Variants in EXOC2 observed in about 807,000 individuals in gnomAD.
EXOC2 encodes the protein exocyst complex component 2.
A neutral mutation model predicts 131.8 loss-of-function variants in EXOC2; 70 were observed. The ratio of observed to expected loss-of-function variants is 0.53; its 90% confidence interval spans 0.44 to 0.65. The LOEUF is 0.65. Ranked by LOEUF, EXOC2 falls within the 30% of genes least tolerant of loss-of-function variation. EXOC2 has a pLI of 0.00. For missense variants in EXOC2, 923 were observed against 1,108.6 expected (o/e 0.83, Z 2.38); for synonymous variants, 411 against 398.4 (o/e 1.03, Z -0.38).
At chr6:613,443 A>AAAAG (rs986745325) in intron 6 of EXOC2, among the ~76,000 whole-genome samples, 4 of 151,650 alleles carry the variant, frequency 2.6e-5, no homozygotes, top group African/African-American at 9.8e-5. Flanking sequence ...TGATGTAAAA[A>AAAAG]AAAGAAAGAA....
rs1468337111 is a variant in EXOC2, at chr6:575,923, CAAG to C, written c.1318+831_1318+833del. On this transcript the variant is annotated intron_variant, in intron 12 of 27. Coordinates refer to ENST00000230449, the MANE Select transcript of EXOC2 (RefSeq NM_018303.6). ...AGCTGGGAGAGGAATGAGAATCGGA[CAAG>C]AAGAAGGAATACCAACAGTTATGGA... Among the ~76,000 whole-genome samples, 3 of 152,126 alleles carry C rather than the reference CAAG, an allele frequency of 2.0e-5. No homozygotes were observed. The East Asian group carries it at 5.8e-4, about 29-fold the overall frequency.
intron 23 of EXOC2, among the ~76,000 whole-genome samples, chr6:500,027 T>C (rs554208597): frequency 3.6e-4 from 55 of 152,200 alleles, no homozygotes; most frequent in African/African-American, 1.2e-3. Flanking sequence ...AGAATATATA[T>C]AGATAAGTAT....
At chr6:650,020 T>C (rs1010295097) in intron 1 of EXOC2, among the ~76,000 whole-genome samples, 6 of 152,212 alleles carry the variant, frequency 3.9e-5, no homozygotes, top group Non-Finnish European at 5.9e-5. Flanking sequence ...GGCAAATAAA[T>C]TCCTTCCTGC....
chr6:690,131 C>G (rs9504778), intron 1 of EXOC2, among the ~76,000 whole-genome samples: 22,122 of 152,084 alleles, frequency 0.15, 1,790 homozygotes, highest in African/African-American at 0.21. Flanking sequence ...GAGGCCAGCG[C>G]ATCACTTGCA....
At position 615,551 on chromosome 6, in the gene EXOC2, A is replaced by C. The variant is rs530208500; in HGVS notation, c.661+2160T>G. ...ACAAATCAATAGCATGAAAAACCAG[A>C]AACAGGCTGGGCGTGGAAATTAGCT... On this transcript the variant is annotated intron_variant, in intron 6 of 27. Transcript: ENST00000230449. 5.3e-5 allele frequency among the ~76,000 whole-genome samples: 8 copies of C among 152,200 alleles called. No homozygotes were observed. In the South Asian group the frequency reaches 1.7e-3, roughly 32 times the overall value.
chr6:675,420 A>G (rs182968158), intron 1 of EXOC2, among the ~76,000 whole-genome samples: 1 of 152,376 alleles, frequency 6.6e-6, no homozygotes, highest in African/African-American at 2.4e-5. Context: ...GGTCAGTGAT[A>G]GTGCGCAGAC....
chr6:676,347 ACT>A (rs368378810), intron 1 of EXOC2, among the ~76,000 whole-genome samples: 30 of 14,968 alleles, frequency 2.0e-3, no homozygotes, highest in South Asian at 2.8e-3. Context: ...TCCTCTGGTG[ACT>A]CTGCGGTTCC....
At chr6:676,939 C>T (rs1418863364) in intron 1 of EXOC2, among the ~76,000 whole-genome samples, 304 of 75,130 alleles carry the variant, frequency 4.0e-3, no homozygotes, top group Middle Eastern at 0.019. Context: ...AGGACAGGTT[C>T]CTCTGAAGAC....
chr6:512,736 T>C (rs1242431215), intron 23 of EXOC2, among the ~76,000 whole-genome samples: 2 of 152,184 alleles, frequency 1.3e-5, no homozygotes, highest in Admixed American at 6.5e-5. Context: ...AAAGTTAGAA[T>C]TGGAGATGAA....
At chr6:533,706 G>T (rs535717903) in intron 22 of EXOC2, among the ~76,000 whole-genome samples, 3 of 152,094 alleles carry the variant, frequency 2.0e-5, no homozygotes, top group African/African-American at 7.2e-5. Context: ...AAGAAGAAGA[G>T]GGGGGAGGCA....
At chr6:539,763 T>C (rs1396021640) in intron 22 of EXOC2, among the ~76,000 whole-genome samples, 1 of 152,216 alleles carries the variant, frequency 6.6e-6, no homozygotes, top group Non-Finnish European at 1.5e-5. Flanking sequence ...AATTTGGCCA[T>C]CTGTATAGAA....
intron 21 of EXOC2, 31 bp from the exon 22 acceptor site, chr6:549,322 C>A: frequency 6.6e-7 from 1 of 1,514,308 alleles, no homozygotes; most frequent in African/African-American, 1.4e-5. Context: ...TAGAAAATCA[C>A]CTTTATGGTG....
chr6:648,183 T>C (rs1762666983), intron 1 of EXOC2, among the ~76,000 whole-genome samples: 1 of 152,246 alleles, frequency 6.6e-6, no homozygotes, highest in African/African-American at 2.4e-5. Flanking sequence ...CAGTAATTTG[T>C]GAATGAACTA....
Position 532,478 on chromosome 6 carries a change from G to T in EXOC2, c.2371C>A (p.Pro791Thr). 1.9e-6 allele frequency: 3 copies of T among 1,590,828 alleles called. No homozygotes were observed. Among genetic ancestry groups the T allele is most frequent in the Non-Finnish European group, 2.6e-6 (3 of 1,172,228 alleles). ...AGYFDWKDCL[P>T]PTGVRNYLKE... The stretch of plus-strand genomic sequence containing the variant: ...AAACTTTATTACTTACCTGTTGGAG[G>T]CAGGCAGTCCTTCCAATCAAAATAT... The change falls in exon 23 of 28, where the codon CCT becomes ACT. Residue 791 changes from proline to threonine, a missense_variant. Pro to Thr is a conservative substitution (Grantham distance 38). Transcript: ENST00000230449.
chr6:494,901 A>G (rs1476709824), intron 25 of EXOC2, among the ~76,000 whole-genome samples: 1 of 152,114 alleles, frequency 6.6e-6, no homozygotes, highest in Non-Finnish European at 1.5e-5. Flanking sequence ...TTTTTTTGAG[A>G]AAGGGTGTCA....
At position 485,714 on chromosome 6, in the gene EXOC2, G is replaced by A. The variant is rs1763007014; in HGVS notation, c.*957C>T. ...CCTGGTGACCAAGGAGCATCCTGAAGTTTCAGAGAAGAGACTGTGTGACAG... is the reference window on the plus strand; with the variant it reads ...CCTGGTGACCAAGGAGCATCCTGAAATTTCAGAGAAGAGACTGTGTGACAG... On this transcript the variant is annotated 3_prime_UTR_variant, in exon 28 of 28. Transcript: ENST00000230449. 6.6e-6 allele frequency: 1 copy of A among 152,396 alleles called. No homozygotes were observed. Among genetic ancestry groups the A allele is most frequent in the South Asian group, 2.1e-4 (1 of 4,822 alleles). 9.4% of individuals were successfully genotyped at this position (152,396 alleles called of 1,614,324 possible).
At chr6:578,732 TAAGAA>T (rs1758724800) in intron 11 of EXOC2, among the ~76,000 whole-genome samples, 1 of 152,152 alleles carries the variant, frequency 6.6e-6, no homozygotes, top group Admixed American at 6.5e-5. Context: ...AAAGCTAAGA[TAAGAA>T]GACTTATAAA....
At chr6:692,728 G>A (rs552086234) in intron 1 of EXOC2, among the ~76,000 whole-genome samples, 2 of 151,854 alleles carry the variant, frequency 1.3e-5, no homozygotes, top group African/African-American at 4.8e-5. Flanking sequence ...GCGGGGCCTG[G>A]AGTCAGCCCT....
In EXOC2 at chr6:556,534, A is replaced by C. The variant is rs771912044; in HGVS notation, c.1882T>G (p.Ser628Ala). The C allele has an allele frequency of 6.4e-5, 104 of 1,614,036 alleles. No homozygotes were observed. Among genetic ancestry groups the C allele is most frequent in the Non-Finnish European group, 8.6e-5 (101 of 1,180,032 alleles). The change falls in exon 18 of 28, where the codon TCT becomes GCT. Residue 628 changes from serine to alanine, a missense_variant. Transcript: ENST00000230449. ...PCQFEQCIVC[S>A]LQSLKGVLEC... is the part of the protein sequence containing the mutation. ...AGAACCCCCTTCAGTGACTGCAGAG[A>C]ACACACGATGCACTGTTCAAACTGA...
Sources: allele counts gnomAD v4.1 joint callset (sites outside exome capture counted in the v4.1 genomes callset), GRCh38; gene constraint gnomAD v4.1.1; transcripts MANE v1.5; gene names NCBI Gene and HGNC (gene_info 2026-07-23, HGNC 2026-07-21).